STRIP2: variants seen among roughly 807,000 people sequenced by gnomAD.
STRIP2 encodes striatin interacting protein 2, also known as striatin-interacting protein 2.
A neutral mutation model predicts 107.1 loss-of-function variants in STRIP2; 84 were observed. The observed-to-expected ratio is 0.78, with a 90% CI of 0.66 to 0.94. STRIP2 has a LOEUF of 0.94. STRIP2 is among the 40% of genes least tolerant of loss of function. The probability of loss-of-function intolerance (pLI) is 0.00; values close to 1 mark genes in which losing one functional copy is unlikely to be tolerated. For synonymous variants in STRIP2, 394 were observed against 400.4 expected, an observed-to-expected ratio of 0.98 and a Z score of 0.19; for missense variants, 888 against 1,034.2, an observed-to-expected ratio of 0.86 and a Z score of 1.94.
chr7:129,462,314 G>A (rs1798561842), intron 13 of STRIP2, among the ~76,000 whole-genome samples: 1 of 152,222 alleles, frequency 6.6e-6, no homozygotes, highest in Non-Finnish European at 1.5e-5. Flanking sequence ...CATGGCAGTG[G>A]CCCCTTGCCC....
chr7:129,466,537 T>C (rs900861051), intron 16 of STRIP2, among the ~76,000 whole-genome samples: 32 of 152,192 alleles, frequency 2.1e-4, no homozygotes, highest in African/African-American at 7.5e-4. Flanking sequence ...AATACTAGGT[T>C]CTGGATCTGG....
Position 129,434,534 on chromosome 7 carries a change from G to C in STRIP2, c.62G>C (p.Gly21Ala), listed in dbSNP as rs1412066332. The C allele has an allele frequency of 6.6e-7, 1 of 1,518,448 alleles. No individual in the cohort carries two copies. The highest frequency in any genetic ancestry group is 2.0e-5 in the Admixed American group (1 of 49,936). The allele number at this position is 1,518,448 out of a possible 1,614,324, so 94.1% of individuals were successfully genotyped here. A position where few individuals can be genotyped will look rare whatever the true frequency, so the allele number is the denominator to read the frequency against. Residue 21 changes from glycine to alanine, a missense_variant, in exon 1 of 21, where the codon GGC (glycine) becomes GCC (alanine). By Grantham distance (60) the Gly-to-Ala change is moderately conservative (BLOSUM62 0). Coordinates refer to ENST00000249344, the MANE Select transcript of STRIP2 (RefSeq NM_020704.3). ...CCCGCAAATGGCAATGGCAACGGCG[G>C]CGGCAAAGGGAAGCAGGCGGCGCCC... ...GPPANGNGNG[G>A]GKGKQAAPKG...
Position 129,440,109 on chromosome 7 carries a change from C to T in STRIP2, c.199+18C>T. 6 of 1,609,948 alleles carry T rather than the reference C, an allele frequency of 3.7e-6. No homozygotes were observed. Among genetic ancestry groups the T allele is most frequent in the Non-Finnish European group, 5.1e-6 (6 of 1,176,270 alleles). ...GTTGTCAGGTATGAGGTAGATGGGT[C>T]AGTAGCTAGTGGAAGAATGGCCAGG... On this transcript the variant is annotated intron_variant, in intron 2 of 20. Transcript: ENST00000249344.
chr7:129,485,857 G>A lies in STRIP2; in HGVS notation c.*28G>A. 1 of 1,611,854 alleles carries A rather than the reference G, an allele frequency of 6.2e-7. No homozygotes were observed. The highest frequency in any genetic ancestry group is 8.5e-7 in the Non-Finnish European group (1 of 1,179,452). ...AAGTTCTTGTCAACAAGCATCAATA[G>A]ATAGAGGTCAGCTCCAATAAACTGT... is the stretch of plus-strand genomic sequence containing the variant. On this transcript the variant is annotated 3_prime_UTR_variant, in exon 21 of 21. Coordinates refer to ENST00000249344, the MANE Select transcript of STRIP2 (RefSeq NM_020704.3).
intron 3 of STRIP2, 59 bp downstream of exon 3, chr7:129,444,157 G>C (rs1366998810): frequency 1.1e-5 from 14 of 1,311,704 alleles, no homozygotes; most frequent in Non-Finnish European, 1.4e-5. Context: ...ATACCAGCCT[G>C]ATCTAGTAAA....
At chr7:129,467,586 T>G in intron 17 of STRIP2, 136 bp downstream of exon 17, 1 of 561,760 alleles carries the variant, frequency 1.8e-6, no homozygotes, top group African/African-American at 1.9e-5. Context: ...AAATTTAATT[T>G]CCTTGAAGTG....
At chr7:129,482,707 A>C in intron 19 of STRIP2, 135 bp from the exon 20 acceptor site, 1 of 1,011,626 alleles carries the variant, frequency 9.9e-7, no homozygotes, top group Non-Finnish European at 1.4e-6. Flanking sequence ...ATTAAATCTA[A>C]GTAGAGCCTG....
In STRIP2 at chr7:129,464,752, A is replaced by G. The variant is rs1798630897; in HGVS notation, c.1776+14A>G. ...CATATCTACCAGGTGAGCAGCTAGG[A>G]GCACTTCTCCACAGGTCTTGGGTGT... On this transcript the variant is annotated intron_variant, in intron 16 of 20. Coordinates refer to ENST00000249344, the MANE Select transcript of STRIP2 (RefSeq NM_020704.3). 1 of 1,614,080 alleles carries G rather than the reference A, an allele frequency of 6.2e-7. No homozygotes were observed. Among genetic ancestry groups the G allele is most frequent in the Non-Finnish European group, 8.5e-7 (1 of 1,179,980 alleles).
intron 1 of STRIP2, among the ~76,000 whole-genome samples, chr7:129,439,078 CT>C (rs1797828644): frequency 6.6e-6 from 1 of 152,170 alleles, no homozygotes; most frequent in Admixed American, 6.5e-5. Flanking sequence ...TGTAGTACCC[CT>C]CCCCTCCCTG....
At chr7:129,439,971 A>G in intron 1 of STRIP2, 51 bp from the exon 2 acceptor site, 2 of 1,459,884 alleles carry the variant, frequency 1.4e-6, no homozygotes, top group Non-Finnish European at 1.9e-6. Flanking sequence ...TTCCCTTGGC[A>G]ACCCCTTTTT....
In STRIP2 at chr7:129,458,016, G is replaced by A. The variant is rs548562114; in HGVS notation, c.1039-199G>A. The A allele has an allele frequency of 3.2e-5, 20 of 626,846 alleles. No homozygotes were observed. The South Asian group carries it at 3.4e-4, about 11-fold the overall frequency. 38.8% of individuals were successfully genotyped at this position (626,846 alleles called of 1,614,324 possible). A position where few individuals can be genotyped will look rare whatever the true frequency, so the allele number is the denominator to read the frequency against. ...GCTATGTTCCCTGGCTAATGGCAGG[G>A]TTACCTGAGAACTTCTTGTCCTGTT... On this transcript the variant is annotated intron_variant, in intron 9 of 20. Coordinates refer to ENST00000249344, the MANE Select transcript of STRIP2 (RefSeq NM_020704.3). The surrounding 1 kb of genome is among the most constrained non-coding windows in gnomAD (Gnocchi z 4.6).
rs946254915 is a variant in STRIP2 at position 129,458,913 on chromosome 7, G to C, written c.1340+136G>C. The stretch of plus-strand genomic sequence containing the variant: ...CCCTAGGCCATGGACAACTCCCAGT[G>C]ACTACTTTGGGTTCTTTCTATGGAT... On this transcript the variant is annotated intron_variant, in intron 11 of 20. Coordinates refer to ENST00000249344, the MANE Select transcript of STRIP2 (RefSeq NM_020704.3). This position sits in a 1 kb window ranked among gnomAD's most constrained non-coding sequence, Gnocchi z 4.6. The C allele has an allele frequency of 1.4e-6, 1 of 721,568 alleles. No individual in the cohort carries two copies. Among genetic ancestry groups the C allele is most frequent in the African/African-American group, 1.8e-5 (1 of 56,706 alleles). 44.7% of individuals were successfully genotyped at this position (721,568 alleles called of 1,614,324 possible).
At chr7:129,464,580 C>G in intron 15 of STRIP2, 32 bp from the exon 16 acceptor site, 1 of 1,613,338 alleles carries the variant, frequency 6.2e-7, no homozygotes, top group Non-Finnish European at 8.5e-7. Flanking sequence ...TAAGGCCACT[C>G]TCTGCACTAA....
chr7:129,478,715 G>T (rs548745990), intron 18 of STRIP2, among the ~76,000 whole-genome samples: 2 of 152,244 alleles, frequency 1.3e-5, no homozygotes, highest in South Asian at 4.1e-4. Flanking sequence ...TTAAAGATTA[G>T]CTAGTTCAAC....
rs1156798544 is a variant in STRIP2, at chr7:129,485,747, T to G, written c.2423T>G (p.Phe808Cys). The G allele has an allele frequency of 6.2e-7, 1 of 1,614,200 alleles. No homozygotes were observed. Among genetic ancestry groups the G allele is most frequent in the East Asian group, 2.2e-5 (1 of 44,876 alleles). Residue 808 changes from phenylalanine to cysteine, a missense_variant, in exon 21 of 21, where the codon TTC (phenylalanine) becomes TGC (cysteine). Physicochemically the swap from Phe to Cys is radical, Grantham distance 205. Coordinates refer to ENST00000249344, the MANE Select transcript of STRIP2 (RefSeq NM_020704.3). The stretch of plus-strand genomic sequence containing the variant: ...CAGAGGTTGGATCTGCCTGAAGATT[T>G]CCACTATTCATATGAGCTCTGGCTC... ...LGQRLDLPED[F>C]HYSYELWLER...
intron 19 of STRIP2, among the ~76,000 whole-genome samples, chr7:129,481,903 C>T (rs1280024475): frequency 6.6e-6 from 1 of 152,042 alleles, no homozygotes; most frequent in East Asian, 1.9e-4. Context: ...TGTGGTGGCC[C>T]ACACCTGTAA....
chr7:129,453,997 G>A, intron 5 of STRIP2, 145 bp from the exon 6 acceptor site: 2 of 682,650 alleles, frequency 2.9e-6, no homozygotes, highest in Non-Finnish European at 4.9e-6. Context: ...GGGGAATTCT[G>A]TCAGCTCCTT....
rs762115684 is a variant in STRIP2 at position 129,455,375 on chromosome 7, A to G, written c.834+4A>G. The G allele has an allele frequency of 1.9e-6, 3 of 1,611,344 alleles. No individual in the cohort carries two copies. The South Asian group carries it at 3.3e-5, about 18-fold the overall frequency. On this transcript the variant is annotated splice_donor_region_variant and intron_variant, in intron 8 of 20. Coordinates refer to ENST00000249344, the MANE Select transcript of STRIP2 (RefSeq NM_020704.3). ...CCTGCTCTGGAAGGTGGTCATGGTGAGTAATTCTCCCCACTCCCACATTAT... is the reference window on the plus strand; with the variant it reads ...CCTGCTCTGGAAGGTGGTCATGGTGGGTAATTCTCCCCACTCCCACATTAT...
chr7:129,452,987 TTC>T, intron 4 of STRIP2, among the ~76,000 whole-genome samples: 1 of 152,314 alleles, frequency 6.6e-6, no homozygotes, highest in South Asian at 2.1e-4. Flanking sequence ...CAGGATCTGC[TTC>T]TGGGAGAACT....
Sources: allele counts gnomAD v4.1 joint callset (sites outside exome capture counted in the v4.1 genomes callset), GRCh38; gene constraint gnomAD v4.1.1; non-coding constraint Gnocchi (gnomAD v3.1); transcripts MANE v1.5; gene names NCBI Gene and HGNC (gene_info 2026-07-23, HGNC 2026-07-21).